Variants in IFNG-AS1 observed in about 807,000 individuals in gnomAD.
IFNG-AS1 encodes the protein IFNG regulatory antisense RNA 1, also known as IFNG antisense RNA 1 (non-protein coding).
intron 1 of IFNG-AS1, among the ~76,000 whole-genome samples, chr12:67,991,603 G>A (rs574356343): frequency 6.6e-6 from 1 of 152,304 alleles, no homozygotes; most frequent in East Asian, 1.9e-4. Context: ...CTGATCCAAT[G>A]GGCAAAGCAT....
At chr12:67,999,526 C>T (rs1285603557) in intron 2 of IFNG-AS1, among the ~76,000 whole-genome samples, 1 of 151,998 alleles carries the variant, frequency 6.6e-6, no homozygotes, top group African/African-American at 2.4e-5. Flanking sequence ...TGAAGGGGCC[C>T]CCAGTGGTCA....
chr12:68,011,477 G>A (rs1394165887), intron 3 of IFNG-AS1, among the ~76,000 whole-genome samples: 3 of 152,088 alleles, frequency 2.0e-5, no homozygotes, highest in Admixed American at 2.0e-4. Context: ...TGCAAAAAGC[G>A]TTACATTTTC....
chr12:68,001,987 A>G (rs919472222), intron 2 of IFNG-AS1, among the ~76,000 whole-genome samples: 1 of 152,244 alleles, frequency 6.6e-6, no homozygotes, highest in Non-Finnish European at 1.5e-5. Flanking sequence ...TCAAAAATGT[A>G]ATTTATTTAC....
At chr12:67,991,140 T>C (rs1053988577) in intron 1 of IFNG-AS1, among the ~76,000 whole-genome samples, 9 of 152,212 alleles carry the variant, frequency 5.9e-5, no homozygotes, top group Non-Finnish European at 1.2e-4. Flanking sequence ...CTTGGTCCTA[T>C]TATTTACCAA....
chr12:67,999,280 G>A (rs1398412106), intron 2 of IFNG-AS1, among the ~76,000 whole-genome samples: 1 of 152,138 alleles, frequency 6.6e-6, no homozygotes. Flanking sequence ...TTTGTCTGAT[G>A]AGAGGGCCTA....
intron 3 of IFNG-AS1, among the ~76,000 whole-genome samples, chr12:68,008,795 CT>C (rs1213724690): frequency 2.0e-5 from 3 of 152,166 alleles, no homozygotes; most frequent in South Asian, 4.1e-4. Context: ...CATGAATTTT[CT>C]TTTTTCCTCT....
chr12:68,000,692 C>T (rs1395634979), intron 2 of IFNG-AS1, among the ~76,000 whole-genome samples: 1 of 152,032 alleles, frequency 6.6e-6, no homozygotes, highest in African/African-American at 2.4e-5. Flanking sequence ...AAGTTAAATA[C>T]TTTCTTAAAA....
At chr12:68,014,357 C>G (rs918669274) in intron 3 of IFNG-AS1, among the ~76,000 whole-genome samples, 4 of 152,226 alleles carry the variant, frequency 2.6e-5, no homozygotes, top group African/African-American at 9.6e-5. Context: ...TTCAAGGAAC[C>G]TCCACACTGT....
chr12:67,991,795 A>G (rs531190751), intron 1 of IFNG-AS1, among the ~76,000 whole-genome samples: 1 of 152,364 alleles, frequency 6.6e-6, no homozygotes, highest in African/African-American at 2.4e-5. Context: ...AAGACTTCCT[A>G]ATACAAAACC....
intron 3 of IFNG-AS1, among the ~76,000 whole-genome samples, chr12:68,007,589 T>C (rs1379594930): frequency 1.3e-5 from 2 of 152,210 alleles, no homozygotes; most frequent in Non-Finnish European, 2.9e-5. Context: ...TAATGCCCTC[T>C]CTCCCCTAAG....
intron 3 of IFNG-AS1, among the ~76,000 whole-genome samples, chr12:68,016,366 G>A (rs563074132): frequency 2.6e-5 from 4 of 152,226 alleles, no homozygotes; most frequent in African/African-American, 9.6e-5. Flanking sequence ...TTGCTTGATG[G>A]TAGTGGTTTT....
chr12:67,997,809 G>T (rs1307429632), intron 2 of IFNG-AS1, among the ~76,000 whole-genome samples: 1 of 151,428 alleles, frequency 6.6e-6, no homozygotes, highest in Non-Finnish European at 1.5e-5. Flanking sequence ...AAAGAGAAGG[G>T]ATTTTAAAAA....
intron 2 of IFNG-AS1, among the ~76,000 whole-genome samples, chr12:68,002,507 G>A (rs760004691): frequency 6.6e-6 from 1 of 152,014 alleles, no homozygotes; most frequent in African/African-American, 2.4e-5. Context: ...CTTTGATAGG[G>A]TGCATACATG....
At chr12:68,000,516 TA>T (rs1879743281) in intron 2 of IFNG-AS1, among the ~76,000 whole-genome samples, 2 of 151,834 alleles carry the variant, frequency 1.3e-5, no homozygotes, top group Non-Finnish European at 2.9e-5. Context: ...GAAATAAAAA[TA>T]AAAAACTAAC....
intron 1 of IFNG-AS1, among the ~76,000 whole-genome samples, chr12:67,991,308 T>C (rs1027075081): frequency 4.6e-5 from 7 of 152,178 alleles, no homozygotes; most frequent in African/African-American, 1.7e-4. Context: ...GCTGCTATAA[T>C]GGTTCTGAAA....
chr12:67,992,418 G>C (rs1011370810), intron 1 of IFNG-AS1, among the ~76,000 whole-genome samples: 1 of 152,116 alleles, frequency 6.6e-6, no homozygotes, highest in African/African-American at 2.4e-5. Context: ...GCCCTCTCAC[G>C]TGTTTCCTCC....
chr12:67,996,483 T>C (rs1879644836), intron 2 of IFNG-AS1, among the ~76,000 whole-genome samples: 1 of 152,238 alleles, frequency 6.6e-6, no homozygotes, highest in Non-Finnish European at 1.5e-5. Context: ...TGTATAGTTT[T>C]CTACACCTAT....
intron 3 of IFNG-AS1, among the ~76,000 whole-genome samples, chr12:68,011,165 C>T (rs1880017821): frequency 6.6e-6 from 1 of 152,130 alleles, no homozygotes; most frequent in Non-Finnish European, 1.5e-5. Flanking sequence ...ACTGTACGAC[C>T]AGAGGCATAT....
At chr12:68,003,264 G>T (rs1002187705) in intron 2 of IFNG-AS1, among the ~76,000 whole-genome samples, 1 of 151,916 alleles carries the variant, frequency 6.6e-6, no homozygotes, top group African/African-American at 2.4e-5. Context: ...GTGTTTAACG[G>T]GTATATGAAA....
Sources: gnomAD v4.1 joint callset for allele counts (sites outside exome capture counted in the v4.1 genomes callset) on GRCh38, gnomAD v4.1.1 for gene constraint, MANE v1.5 for transcripts, NCBI Gene and HGNC (gene_info 2026-07-23, HGNC 2026-07-21) for gene names.